The following PDGFC variants were observed in gnomAD, a reference collection of about 807,000 sequenced individuals.
The protein encoded by PDGFC is platelet-derived growth factor C.
Under a neutral mutation model 35.5 loss-of-function variants are expected in PDGFC, and 12 were observed. The ratio of observed to expected loss-of-function variants is 0.34; its 90% CI spans 0.22 to 0.55. The LOEUF is 0.55. Ranked by LOEUF, PDGFC falls within the 20% of genes least tolerant of loss-of-function variation. The pLI, the probability that PDGFC is intolerant of heterozygous loss-of-function variation, is 0.91. For synonymous variants in PDGFC, 159 were observed against 148.8 expected (o/e 1.07, Z -0.50); for missense variants, 322 against 412.4 (o/e 0.78, Z 1.90).
At chr4:156,933,082 C>T (rs187832611) in intron 1 of PDGFC, among the ~76,000 whole-genome samples, 146 of 152,020 alleles carry the variant, frequency 9.6e-4, no homozygotes, top group African/African-American at 3.4e-3. Context: ...TTCTCTGAAT[C>T]GGGGTTGCCT....
intron 2 of PDGFC, among the ~76,000 whole-genome samples, chr4:156,822,440 T>C (rs1732294974): frequency 6.6e-6 from 1 of 151,738 alleles, no homozygotes; most frequent in Non-Finnish European, 1.5e-5. Flanking sequence ...CATACAATAT[T>C]ACTGTATGAG....
chr4:156,878,723 A>AT (rs1412875014), intron 1 of PDGFC, among the ~76,000 whole-genome samples: 1 of 152,028 alleles, frequency 6.6e-6, no homozygotes, highest in African/African-American at 2.4e-5. Context: ...AGCATTTCAG[A>AT]TGTAATACAA....
intron 1 of PDGFC, among the ~76,000 whole-genome samples, chr4:156,962,206 C>T (rs1156784513): frequency 1.3e-5 from 2 of 152,100 alleles, no homozygotes; most frequent in African/African-American, 2.4e-5. Flanking sequence ...TCTAGCCTCT[C>T]CTCACTCTCA....
At chr4:156,776,575 T>C (rs1730836296) in intron 3 of PDGFC, among the ~76,000 whole-genome samples, 1 of 152,238 alleles carries the variant, frequency 6.6e-6, no homozygotes, top group African/African-American at 2.4e-5. Context: ...TTTAGGCCTA[T>C]TACTTTGTAA....
chr4:156,902,060 T>C lies in PDGFC; in HGVS notation c.119-51644A>G, dbSNP rs1579088330. 2.0e-5 allele frequency among the ~76,000 whole-genome samples: 3 copies of C among 152,262 alleles called. No homozygotes were observed. The South Asian group carries it at 6.2e-4, about 32-fold the overall frequency. The stretch of plus-strand genomic sequence containing the variant: ...CTGAATGATTTTGGAGTCCTCCACA[T>C]AAAGATGAGTAATGAAGACCAAAAT... On this transcript the variant is annotated intron_variant, in intron 1 of 5. Transcript: ENST00000502773.
intron 2 of PDGFC, among the ~76,000 whole-genome samples, chr4:156,846,572 GT>G (rs1355577796): frequency 2.6e-5 from 4 of 151,670 alleles, no homozygotes; most frequent in African/African-American, 9.7e-5. Flanking sequence ...CAATTATAAT[GT>G]TTTATTAGAT....
chr4:156,763,363 C>T, intron 5 of PDGFC, among the ~76,000 whole-genome samples, 157 bp from the exon 6 acceptor site: 1 of 97,160 alleles, frequency 1.0e-5, no homozygotes, highest in Admixed American at 1.1e-4. Context: ...ACTCTCCCAC[C>T]AAAAAAAAAA....
intron 1 of PDGFC, among the ~76,000 whole-genome samples, chr4:156,864,306 C>A (rs894037603): frequency 1.2e-4 from 19 of 152,032 alleles, no homozygotes; most frequent in Non-Finnish European, 2.2e-4. Context: ...ATTACCGTGT[C>A]ATAAAATCTG....
At chr4:156,878,907 T>A (rs1291203680) in intron 1 of PDGFC, among the ~76,000 whole-genome samples, 1 of 152,214 alleles carries the variant, frequency 6.6e-6, no homozygotes. Context: ...AGCCCTGTGT[T>A]GACTTTATGT....
At chr4:156,833,995 G>A (rs1729004566) in intron 2 of PDGFC, among the ~76,000 whole-genome samples, 1 of 152,156 alleles carries the variant, frequency 6.6e-6, no homozygotes, top group Non-Finnish European at 1.5e-5. Flanking sequence ...GAAAATGAAT[G>A]CAGTGCAAAT....
In PDGFC at chr4:156,971,123, A is replaced by C; in HGVS notation, c.-220T>G. ...AGTTTTTGAAAAGGATCAAAGCAAA[A>C]CCTGGACCTGAACCAGTTTCCCAAG... On this transcript the variant is annotated 5_prime_UTR_variant, in exon 1 of 6. Transcript: ENST00000502773. 1 of 461,502 alleles carries C rather than the reference A, an allele frequency of 2.2e-6. No individual in the cohort carries two copies. Among genetic ancestry groups the C allele is most frequent in the South Asian group, 3.8e-5 (1 of 26,080 alleles). The allele number at this position is 461,502 out of a possible 1,614,324, so 28.6% of individuals were successfully genotyped here.
Position 156,810,948 on chromosome 4 carries a change from A to C in PDGFC, c.384T>G (p.Thr128=), listed in dbSNP as rs749494526. The C allele has an allele frequency of 3.1e-5, 50 of 1,602,760 alleles. 1 individual carries two copies. The highest frequency in any genetic ancestry group is 1.7e-4 in the Middle Eastern group (1 of 6,052). ...TILGRWCGSG[T]VPGKQISKGN... ...CTTTAGAAATCTGTTTTCCTGGTAC[A>C]GTACCAGAACCACACCAGCGCCCTA... Residue 128 remains threonine (T), a synonymous_variant, in exon 3 of 6, where the codon ACT becomes ACG. Transcript: ENST00000502773.
intron 1 of PDGFC, among the ~76,000 whole-genome samples, chr4:156,895,659 CAG>C (rs1261798622): frequency 6.6e-6 from 1 of 151,262 alleles, no homozygotes; most frequent in African/African-American, 2.4e-5. Flanking sequence ...TGGGTGCCAT[CAG>C]AGTTTCTGAA....
chr4:156,861,325 C>G, intron 1 of PDGFC: 1 of 369,472 alleles, frequency 2.7e-6, no homozygotes, highest in Non-Finnish European at 5.2e-6. Context: ...TTCTCTTGCT[C>G]TAATATGGTT....
chr4:156,865,186 G>GCGCA lies in PDGFC; in HGVS notation c.119-14771_119-14770insTGCG, dbSNP rs71602286. Among the ~76,000 whole-genome samples the GCGCA allele has an allele frequency of 6.1e-5, 9 of 146,760 alleles. No homozygotes were observed. The East Asian group carries it at 8.0e-4, about 13-fold the overall frequency. On this transcript the variant is annotated intron_variant, in intron 1 of 5. Transcript: ENST00000502773. ...CACTTTAGGATTAGAAGATACATGT[G>GCGCA]CACACACACACACACACACACACAC...
At chr4:156,804,583 C>G (rs1307154044) in intron 3 of PDGFC, among the ~76,000 whole-genome samples, 1 of 151,822 alleles carries the variant, frequency 6.6e-6, no homozygotes, top group African/African-American at 2.4e-5. Context: ...CACTCACATA[C>G]TGCATTTTTA....
chr4:156,849,227 A>G (rs1729395393), intron 2 of PDGFC, among the ~76,000 whole-genome samples: 1 of 152,036 alleles, frequency 6.6e-6, no homozygotes, highest in African/African-American at 2.4e-5. Context: ...GGTAGCTTCT[A>G]GTTCTCAAAG....
intron 1 of PDGFC, among the ~76,000 whole-genome samples, chr4:156,916,407 T>G (rs1211372528): frequency 6.6e-6 from 1 of 152,180 alleles, no homozygotes; most frequent in Non-Finnish European, 1.5e-5. Context: ...GCTAGCAGAC[T>G]CACTTCTAAC....
intron 2 of PDGFC, among the ~76,000 whole-genome samples, chr4:156,820,708 T>C (rs1732228736): frequency 6.6e-6 from 1 of 152,026 alleles, no homozygotes; most frequent in Non-Finnish European, 1.5e-5. Flanking sequence ...CCCTTCAGAA[T>C]AGTAAGAGGA....
Sources: allele counts gnomAD v4.1 joint callset (sites outside exome capture counted in the v4.1 genomes callset), GRCh38; gene constraint gnomAD v4.1.1; transcripts MANE v1.5; gene names NCBI Gene and HGNC (gene_info 2026-07-23, HGNC 2026-07-21).